Variants in EPB41L3 observed in about 807,000 individuals in gnomAD.
EPB41L3 encodes the protein erythrocyte membrane protein band 4.1 like 3, also known as band 4.1-like protein 3.
Under a neutral mutation model 127.1 loss-of-function variants are expected in EPB41L3, and 57 were observed. That is an observed-to-expected ratio of 0.45 (90% CI 0.36 to 0.56). The LOEUF (loss-of-function observed/expected upper bound fraction) is 0.56. Ranked by LOEUF, EPB41L3 falls within the 20% of genes least tolerant of loss-of-function variation. The probability of loss-of-function intolerance (pLI) is 0.00; values close to 1 mark genes in which losing one functional copy is unlikely to be tolerated. For missense variants in EPB41L3, 1,273 were observed against 1,372.2 expected, an observed-to-expected ratio of 0.93 and a Z score of 1.14; for synonymous variants, 572 against 549.5, an observed-to-expected ratio of 1.04 and a Z score of -0.57.
At chr18:5,617,100 G>A (rs866775091) in intron 1 of EPB41L3, among the ~76,000 whole-genome samples, 16 of 152,074 alleles carry the variant, frequency 1.1e-4, no homozygotes, top group Middle Eastern at 3.4e-3. Flanking sequence ...ATAAGATTTG[G>A]TATTTTCATA....
At chr18:5,606,102 C>A (rs1263874803) in intron 3 of EPB41L3, among the ~76,000 whole-genome samples, 1 of 152,178 alleles carries the variant, frequency 6.6e-6, no homozygotes, top group Non-Finnish European at 1.5e-5. Context: ...AAAACTTGCA[C>A]TTCATCCTAT....
intron 3 of EPB41L3, among the ~76,000 whole-genome samples, chr18:5,587,525 C>T (rs1238597093): frequency 6.6e-6 from 1 of 152,140 alleles, no homozygotes; most frequent in Non-Finnish European, 1.5e-5. Flanking sequence ...TCTGAGGTTT[C>T]AGGCATCCAC....
At chr18:5,501,712 T>C (rs1159805224) in intron 1 of EPB41L3, among the ~76,000 whole-genome samples, 1 of 152,234 alleles carries the variant, frequency 6.6e-6, no homozygotes, top group Non-Finnish European at 1.5e-5. Context: ...GACAGACTGT[T>C]GGCATTTTTT....
In EPB41L3 at chr18:5,396,317, T is replaced by C; in HGVS notation, c.2857A>G (p.Thr953Ala). ...KPHFESSTVK[T>A]ETISFGSVSP... ...ACACTGCCAAAACTGATGGTTTCCG[T>C]CTTCACCGTTGAGGACTGTGCCAAA... The change falls in exon 19 of 23, where the codon ACG (threonine) becomes GCG (alanine). Residue 953 changes from threonine (T) to alanine (A), a missense_variant. Physicochemically the swap from Thr to Ala is moderately conservative, Grantham distance 58. Transcript: ENST00000341928. 1 of 1,614,214 alleles carries C rather than the reference T, an allele frequency of 6.2e-7. No homozygotes were observed. Among genetic ancestry groups the C allele is most frequent in the Non-Finnish European group, 8.5e-7 (1 of 1,180,028 alleles).
At chr18:5,498,608 A>AAAAAAAAAAAAAG (rs1448249391) in intron 1 of EPB41L3, among the ~76,000 whole-genome samples, 2 of 144,598 alleles carry the variant, frequency 1.4e-5, no homozygotes, top group Admixed American at 7.1e-5. Flanking sequence ...AAAAAAAAAA[A>AAAAAAAAAAAAAG]AAAGAAAATG....
intron 11 of EPB41L3, among the ~76,000 whole-genome samples, chr18:5,422,450 A>G (rs1222788846): frequency 4.1e-5 from 5 of 122,012 alleles, no homozygotes; most frequent in African/African-American, 1.3e-4. Flanking sequence ...GGTACCATGC[A>G]CTTGTAACTT....
At chr18:5,458,737 A>G (rs2083484773) in intron 3 of EPB41L3, among the ~76,000 whole-genome samples, 1 of 152,236 alleles carries the variant, frequency 6.6e-6, no homozygotes, top group Non-Finnish European at 1.5e-5. Flanking sequence ...ACTGAAATTG[A>G]TATTTTTGTA....
chr18:5,452,569 T>C (rs1184288759), intron 3 of EPB41L3, among the ~76,000 whole-genome samples: 3 of 152,144 alleles, frequency 2.0e-5, no homozygotes, highest in Non-Finnish European at 4.4e-5. Flanking sequence ...GGGGTCTTTC[T>C]ATGCTGCCCC....
chr18:5,467,662 A>G (rs890834680), intron 3 of EPB41L3: 9 of 152,262 alleles, frequency 5.9e-5, no homozygotes, highest in African/African-American at 2.2e-4. Context: ...AAATTCACCA[A>G]TTTTGAAGTC....
chr18:5,610,073 T>C lies in EPB41L3; in HGVS notation c.-306+2267A>G, dbSNP rs980649995. The C allele has an allele frequency of 1.8e-5, 18 of 983,838 alleles. No individual in the cohort carries two copies. The East Asian group carries it at 1.8e-3, about 99-fold the overall frequency. The allele number at this position is 983,838 out of a possible 1,614,324, so 60.9% of individuals were successfully genotyped here. On this transcript the variant is annotated intron_variant, in intron 3 of 21. Coordinates refer to the EPB41L3 transcript ENST00000545076. ...CTGAAGATAGTTTCCCATCAAACGA[T>C]TCATCTGACAGTTTTCTTCTTCCCC...
At chr18:5,544,303 T>C, upstream of EPB41L3, 4 of 985,414 alleles carry the variant, frequency 4.1e-6, no homozygotes, top group Non-Finnish European at 4.8e-6. Flanking sequence ...GATGATGGCC[T>C]GGCCTCTCCA....
upstream of EPB41L3, among the ~76,000 whole-genome samples, chr18:5,546,729 G>A (rs934216887): frequency 2.0e-5 from 3 of 152,012 alleles, no homozygotes; most frequent in Non-Finnish European, 2.9e-5. Flanking sequence ...AAAAAGAAAC[G>A]TCAAATTCAT....
At chr18:5,537,951 A>T (rs549334420) in intron 1 of EPB41L3, among the ~76,000 whole-genome samples, 7 of 152,336 alleles carry the variant, frequency 4.6e-5, no homozygotes, top group African/African-American at 9.6e-5. Context: ...TACATATTAT[A>T]AAGTACATTT....
chr18:5,425,600 A>G lies in EPB41L3; in HGVS notation c.1066-1241T>C, dbSNP rs1441088083. ...ATGCAGGCTCCTAGACTACCTGAAT[A>G]GGTATTAATAGTTTATTAATATCTA... is the stretch of plus-strand genomic sequence containing the variant. On this transcript the variant is annotated intron_variant, in intron 9 of 22. Transcript: ENST00000341928. Among the ~76,000 whole-genome samples, 7 of 152,192 alleles carry G rather than the reference A, an allele frequency of 4.6e-5. No homozygotes were observed. The East Asian group carries it at 1.3e-3, about 29-fold the overall frequency.
chr18:5,400,812 A>T (rs2074382299), intron 16 of EPB41L3: 5 of 589,894 alleles, frequency 8.5e-6, no homozygotes, highest in Non-Finnish European at 1.5e-5. Context: ...AAGAAAATTC[A>T]ATTTTCCCTT....
At chr18:5,513,323 C>G (rs117232831) in intron 1 of EPB41L3, among the ~76,000 whole-genome samples, 1 of 152,126 alleles carries the variant, frequency 6.6e-6, no homozygotes, top group Non-Finnish European at 1.5e-5. Context: ...GACCACAAAT[C>G]TACTATGTAG....
At chr18:5,562,115 T>C (rs987750851) in intron 3 of EPB41L3, among the ~76,000 whole-genome samples, 2 of 151,822 alleles carry the variant, frequency 1.3e-5, no homozygotes, top group African/African-American at 4.8e-5. Context: ...AGTGGAAAAA[T>C]TGCGAGATCT....
chr18:5,597,319 T>C (rs2094546473), intron 3 of EPB41L3, among the ~76,000 whole-genome samples: 1 of 152,194 alleles, frequency 6.6e-6, no homozygotes, highest in Non-Finnish European at 1.5e-5. Flanking sequence ...AATTCATCTC[T>C]CTATGATATG....
intron 1 of EPB41L3, among the ~76,000 whole-genome samples, chr18:5,542,111 A>G (rs2093747125): frequency 6.6e-6 from 1 of 152,242 alleles, no homozygotes; most frequent in Admixed American, 6.5e-5. Context: ...TACTCCAACT[A>G]AAGTTTTTAA....
Sources: allele counts gnomAD v4.1 joint callset (sites outside exome capture counted in the v4.1 genomes callset), GRCh38; gene constraint gnomAD v4.1.1; transcripts MANE v1.5; gene names NCBI Gene and HGNC (gene_info 2026-07-23, HGNC 2026-07-21).